PIGK: variants seen among roughly 807,000 people sequenced by gnomAD.
The protein encoded by PIGK is phosphatidylinositol glycan anchor biosynthesis class K.
In PIGK, 42 loss-of-function variants were observed where a neutral mutation model predicts 50.6. The ratio of observed to expected loss-of-function variants is 0.83; its 90% CI spans 0.65 to 1.07. PIGK has a LOEUF of 1.07. PIGK is among the 50% of genes least tolerant of loss of function. PIGK has a pLI of 0.00. For synonymous variants in PIGK, 151 were observed against 156.0 expected (o/e 0.97, Z 0.24); for missense variants, 448 against 488.7 (o/e 0.92, Z 0.78).
intron 9 of PIGK, among the ~76,000 whole-genome samples, chr1:77,140,020 T>A (rs1433637385): frequency 6.6e-6 from 1 of 152,226 alleles, no homozygotes; most frequent in Non-Finnish European, 1.5e-5. Flanking sequence ...CAAAGGCTAC[T>A]GAATTCAAGC....
intron 1 of PIGK, among the ~76,000 whole-genome samples, chr1:77,217,046 CAG>C (rs1656585209): frequency 1.3e-5 from 2 of 152,096 alleles, no homozygotes; most frequent in Non-Finnish European, 2.9e-5. Flanking sequence ...CTCAAGAATC[CAG>C]AGTTCAATAA....
Position 77,096,979 on chromosome 1 carries a change from G to A in PIGK, c.1072-4489C>T, listed in dbSNP as rs1056548157. ...GTTTTAGGGTACATGTGTTTATTGC[G>A]GCATTATTCACAATAGCAAAGACTT... On this transcript the variant is annotated intron_variant, in intron 10 of 10. Coordinates refer to ENST00000370812, the MANE Select transcript of PIGK (RefSeq NM_005482.3). Among the ~76,000 whole-genome samples the A allele has an allele frequency of 9.5e-5, 14 of 147,864 alleles. No individual in the cohort carries two copies. The South Asian group carries it at 1.1e-3, about 11-fold the overall frequency.
chr1:77,160,061 C>G (rs1655100041), intron 8 of PIGK, among the ~76,000 whole-genome samples: 1 of 152,122 alleles, frequency 6.6e-6, no homozygotes, highest in Non-Finnish European at 1.5e-5. Flanking sequence ...ATGGGAGGGA[C>G]TTGGTGGGAG....
intron 3 of PIGK, among the ~76,000 whole-genome samples, chr1:77,187,217 C>A (rs956939968): frequency 1.3e-5 from 2 of 152,048 alleles, no homozygotes; most frequent in Non-Finnish European, 2.9e-5. Context: ...ATTAAAACAC[C>A]AACTAGATGG....
chr1:77,106,892 T>C (rs551594179), intron 10 of PIGK, among the ~76,000 whole-genome samples: 5 of 152,314 alleles, frequency 3.3e-5, no homozygotes, highest in African/African-American at 1.2e-4. Context: ...GTTTATAGTA[T>C]TCTCTGATGG....
At chr1:77,150,086 A>G (rs998343573) in intron 9 of PIGK, among the ~76,000 whole-genome samples, 4 of 152,196 alleles carry the variant, frequency 2.6e-5, no homozygotes, top group Admixed American at 6.5e-5. Context: ...GGATACAGTA[A>G]AAGTAGTATT....
chr1:77,182,659 G>A (rs903680276), intron 3 of PIGK, among the ~76,000 whole-genome samples: 1 of 152,178 alleles, frequency 6.6e-6, no homozygotes, highest in Non-Finnish European at 1.5e-5. Context: ...TAGAGGAACA[G>A]AATATTAAGG....
chr1:77,134,827 A>G (rs1570210796), intron 9 of PIGK, among the ~76,000 whole-genome samples: 3 of 152,242 alleles, frequency 2.0e-5, no homozygotes, highest in African/African-American at 7.2e-5. Flanking sequence ...TGATATTTTC[A>G]TTATCACTTA....
intron 3 of PIGK, among the ~76,000 whole-genome samples, chr1:77,173,446 G>A (rs1655411336): frequency 6.6e-6 from 1 of 152,102 alleles, no homozygotes. Context: ...TTTCCTTTGT[G>A]ATGCAGTTTG....
chr1:77,134,336 A>T (rs1194523737), intron 9 of PIGK, among the ~76,000 whole-genome samples: 3 of 152,220 alleles, frequency 2.0e-5, no homozygotes, highest in Non-Finnish European at 2.9e-5. Flanking sequence ...TAGTAAATTC[A>T]TAGCTCTGGT....
intron 9 of PIGK, among the ~76,000 whole-genome samples, chr1:77,134,425 A>G (rs1377283288): frequency 1.3e-5 from 2 of 152,232 alleles, no homozygotes; most frequent in African/African-American, 4.8e-5. Flanking sequence ...GAAAATTGGT[A>G]ATATGATTGA....
intron 10 of PIGK, among the ~76,000 whole-genome samples, chr1:77,107,781 G>A (rs1467616243): frequency 6.6e-6 from 1 of 152,116 alleles, no homozygotes; most frequent in Non-Finnish European, 1.5e-5. Flanking sequence ...TCCTGTATTG[G>A]GTGCATATAT....
chr1:77,106,007 C>T (rs766866542), intron 10 of PIGK, among the ~76,000 whole-genome samples: 1 of 152,160 alleles, frequency 6.6e-6, no homozygotes, highest in Non-Finnish European at 1.5e-5. Context: ...ACGGAAAATG[C>T]ACCAAGTTAA....
intron 8 of PIGK, among the ~76,000 whole-genome samples, chr1:77,157,480 G>A (rs544138865): frequency 6.6e-6 from 1 of 151,994 alleles, no homozygotes; most frequent in Non-Finnish European, 1.5e-5. Flanking sequence ...AATGTGCAAG[G>A]TACATATATT....
intron 8 of PIGK, among the ~76,000 whole-genome samples, 165 bp downstream of exon 8, chr1:77,161,130 C>T (rs1655118768): frequency 6.6e-6 from 1 of 152,062 alleles, no homozygotes; most frequent in African/African-American, 2.4e-5. Context: ...TGTAGAGAGA[C>T]AGAGAAATAC....
rs150105549 is a variant in PIGK at position 77,117,178 on chromosome 1, A to C, written c.1071+5097T>G. On this transcript the variant is annotated intron_variant, in intron 10 of 10. Transcript: ENST00000370812. ...CCATAAACTTGAGAATTTCACTAGC[A>C]TCTCACCATGATGGCACAATCTCTT... Among the ~76,000 whole-genome samples the C allele has an allele frequency of 1.0e-3, 154 of 152,226 alleles. 2 individuals carry two copies. Among genetic ancestry groups the C allele is most frequent in the African/African-American group, 3.5e-3 (145 of 41,550 alleles).
chr1:77,213,144 C>T (rs532881202), intron 1 of PIGK, among the ~76,000 whole-genome samples: 13 of 152,196 alleles, frequency 8.5e-5, no homozygotes, highest in African/African-American at 2.9e-4. Flanking sequence ...AGGCTGGTCT[C>T]GAACTCCTGA....
At chr1:77,149,105 A>C (rs1402023698) in intron 9 of PIGK, among the ~76,000 whole-genome samples, 1 of 152,220 alleles carries the variant, frequency 6.6e-6, no homozygotes, top group African/African-American at 2.4e-5. Flanking sequence ...GATACACTAA[A>C]AGCAAAAAGC....
rs138139718 is a variant in PIGK at position 77,114,777 on chromosome 1, C to T, written c.1071+7498G>A. ...CATATCTGATATTAAGAGATTAGCC[C>T]ATGACCTTCAAAAAGTTTAGTTTTC... On this transcript the variant is annotated intron_variant, in intron 10 of 10. Coordinates refer to ENST00000370812, the MANE Select transcript of PIGK (RefSeq NM_005482.3). Among the ~76,000 whole-genome samples the T allele has an allele frequency of 2.2e-3, 332 of 152,164 alleles. 1 individual carries two copies. The highest frequency in any genetic ancestry group is 7.7e-3 in the African/African-American group (320 of 41,520).
Sources: gnomAD v4.1 joint callset for allele counts (sites outside exome capture counted in the v4.1 genomes callset) on GRCh38, gnomAD v4.1.1 for gene constraint, MANE v1.5 for transcripts, NCBI Gene and HGNC (gene_info 2026-07-23, HGNC 2026-07-21) for gene names.